The following SLC9A9 variants were observed in gnomAD, a reference collection of about 807,000 sequenced individuals.
SLC9A9 encodes the protein solute carrier family 9 member A9.
Under a neutral mutation model 77.8 loss-of-function variants are expected in SLC9A9, and 62 were observed. That is an observed-to-expected ratio of 0.80 (90% CI 0.65 to 0.98). SLC9A9 has a LOEUF of 0.98. Ranked by LOEUF, SLC9A9 falls within the 50% of genes least tolerant of loss-of-function variation. The pLI is 0.00. For synonymous variants in SLC9A9, 320 were observed against 283.5 expected (o/e 1.13, Z -1.29); for missense variants, 775 against 774.9 (o/e 1.00, Z 0.00).
intron 9 of SLC9A9, chr3:143,504,159 AGTGAGGGGG>A: frequency 2.7e-6 from 1 of 374,980 alleles, no homozygotes; most frequent in Non-Finnish European, 5.2e-6. Context: ...AGTTGAGGAC[AGTGAGGGGG>A]GTTGTTGATG....
chr3:143,687,359 A>G (rs1933304770), intron 5 of SLC9A9, among the ~76,000 whole-genome samples: 1 of 152,200 alleles, frequency 6.6e-6, no homozygotes, highest in Admixed American at 6.5e-5. Context: ...TTTAGGCAAT[A>G]AATGAATAAT....
At chr3:143,822,820 T>A (rs1353771676) in intron 2 of SLC9A9, among the ~76,000 whole-genome samples, 2 of 152,220 alleles carry the variant, frequency 1.3e-5, no homozygotes, top group East Asian at 1.9e-4. Context: ...TCCCTTCCAC[T>A]CTCTCTCTGT....
At chr3:143,727,548 A>C (rs1934688052) in intron 4 of SLC9A9, among the ~76,000 whole-genome samples, 1 of 152,104 alleles carries the variant, frequency 6.6e-6, no homozygotes, top group Non-Finnish European at 1.5e-5. Flanking sequence ...AGTTTCTTTT[A>C]CTATGATTAG....
intron 14 of SLC9A9, among the ~76,000 whole-genome samples, chr3:143,319,872 C>T (rs550492704): frequency 6.6e-6 from 1 of 152,306 alleles, no homozygotes; most frequent in African/African-American, 2.4e-5. Flanking sequence ...GGGGTAAACG[C>T]CTTCCCATTT....
intron 14 of SLC9A9, among the ~76,000 whole-genome samples, chr3:143,356,434 T>A (rs2032586871): frequency 6.6e-6 from 1 of 152,168 alleles, no homozygotes; most frequent in Non-Finnish European, 1.5e-5. Flanking sequence ...AGACTGCACA[T>A]GTTTCTAGAT....
At chr3:143,422,014 G>A (rs1403749851) in intron 12 of SLC9A9, among the ~76,000 whole-genome samples, 1 of 152,048 alleles carries the variant, frequency 6.6e-6, no homozygotes, top group African/African-American at 2.4e-5. Flanking sequence ...ATCAGAAAAC[G>A]CAAATCAAAA....
intron 4 of SLC9A9, among the ~76,000 whole-genome samples, chr3:143,719,893 T>C (rs535699888): frequency 3.9e-5 from 6 of 152,262 alleles, no homozygotes; most frequent in African/African-American, 1.4e-4. Context: ...GAGGCCTTCA[T>C]ACAGTGAGAC....
chr3:143,552,393 A>C lies in SLC9A9; in HGVS notation c.1058T>G (p.Leu353Arg). ...VTQAHYTYNN[L>R]SSDSKIRTKQ... ...AGTTCTTATTTTGGAATCCGAAGAC[A>C]GATTGTTGTAGGTATAATGTGCTTG... Residue 353 changes from leucine (L) to arginine (R), a missense_variant, in exon 9 of 16, where the codon CTG becomes CGG. Leu to Arg is a moderately radical substitution (Grantham distance 102). Coordinates refer to ENST00000316549, the MANE Select transcript of SLC9A9 (RefSeq NM_173653.4). 1 of 1,613,012 alleles carries C rather than the reference A, an allele frequency of 6.2e-7. No homozygotes were observed. Among genetic ancestry groups the C allele is most frequent in the Non-Finnish European group, 8.5e-7 (1 of 1,179,474 alleles).
At chr3:143,391,062 C>G (rs1037158545) in intron 12 of SLC9A9, among the ~76,000 whole-genome samples, 3 of 152,254 alleles carry the variant, frequency 2.0e-5, no homozygotes, top group Non-Finnish European at 4.4e-5. Flanking sequence ...GAATCCTCTG[C>G]AGACTTAAAT....
intron 1 of SLC9A9, among the ~76,000 whole-genome samples, chr3:143,839,583 T>A (rs1233429053): frequency 6.6e-6 from 1 of 151,850 alleles, no homozygotes; most frequent in Non-Finnish European, 1.5e-5. Context: ...TACATGCACA[T>A]ACATAGACAC....
chr3:143,760,925 T>C (rs2007099212), intron 4 of SLC9A9, among the ~76,000 whole-genome samples: 1 of 152,196 alleles, frequency 6.6e-6, no homozygotes. Context: ...GGCATCATGC[T>C]ACCTGACTTC....
At chr3:143,347,788 T>C (rs911353780) in intron 14 of SLC9A9, among the ~76,000 whole-genome samples, 1 of 152,178 alleles carries the variant, frequency 6.6e-6, no homozygotes, top group Non-Finnish European at 1.5e-5. Flanking sequence ...TATAGATCTG[T>C]GAGTGAGCAG....
chr3:143,828,781 G>A (rs76037812), intron 2 of SLC9A9, among the ~76,000 whole-genome samples: 2,334 of 152,272 alleles, frequency 0.015, 64 homozygotes, highest in African/African-American at 0.053. Flanking sequence ...TTGTTGTGTT[G>A]AGTGAACAAA....
chr3:143,498,909 T>G (rs2035884762), intron 9 of SLC9A9, among the ~76,000 whole-genome samples: 1 of 152,248 alleles, frequency 6.6e-6, no homozygotes, highest in African/African-American at 2.4e-5. Flanking sequence ...ATTATATTAA[T>G]GTATTACAAG....
At chr3:143,689,455 G>A (rs1933386401) in intron 5 of SLC9A9, among the ~76,000 whole-genome samples, 1 of 152,166 alleles carries the variant, frequency 6.6e-6, no homozygotes, top group Admixed American at 6.5e-5. Context: ...CTGGAGTGCA[G>A]TGACATGATC....
At position 143,289,914 on chromosome 3, in the gene SLC9A9, T is replaced by G. The variant is rs145026489; in HGVS notation, c.1605-20934A>C. ...CTTCCTGTGGCCCTTAGAAGGAGTGTAAACTCCTTACCCTGAGACATGTCT... is the reference window on the plus strand; with the variant it reads ...CTTCCTGTGGCCCTTAGAAGGAGTGGAAACTCCTTACCCTGAGACATGTCT... On this transcript the variant is annotated intron_variant, in intron 14 of 15. Transcript: ENST00000316549. Among the ~76,000 whole-genome samples, 976 of 152,286 alleles carry G rather than the reference T, an allele frequency of 6.4e-3. 9 individuals are homozygous for G. The highest frequency in any genetic ancestry group is 0.022 in the African/African-American group (914 of 41,552).
intron 14 of SLC9A9, among the ~76,000 whole-genome samples, chr3:143,308,575 CA>C (rs72347142): frequency 0.037 from 5,188 of 138,852 alleles, 110 homozygotes; most frequent in East Asian, 0.052. Context: ...GACTCTGTCT[CA>C]AAAAAAAAAA....
At chr3:143,324,164 G>A (rs2031506171) in intron 14 of SLC9A9, among the ~76,000 whole-genome samples, 2 of 152,124 alleles carry the variant, frequency 1.3e-5, no homozygotes. Flanking sequence ...AGGGGGTAGA[G>A]GGAGGGGCAG....
intron 5 of SLC9A9, among the ~76,000 whole-genome samples, chr3:143,688,838 T>G (rs1372784934): frequency 6.6e-6 from 1 of 152,094 alleles, no homozygotes; most frequent in Non-Finnish European, 1.5e-5. Flanking sequence ...GTAACTTATA[T>G]GACAGACAAA....
Sources: allele counts gnomAD v4.1 joint callset (sites outside exome capture counted in the v4.1 genomes callset), GRCh38; gene constraint gnomAD v4.1.1; transcripts MANE v1.5; gene names NCBI Gene and HGNC (gene_info 2026-07-23, HGNC 2026-07-21).